The following ARHGAP6 variants were observed in gnomAD, a reference collection of about 807,000 sequenced individuals.
ARHGAP6 encodes rho GTPase-activating protein 6.
In ARHGAP6, 16 loss-of-function variants were observed where a neutral mutation model predicts 55.7. The ratio of observed to expected loss-of-function variants is 0.29; its 90% CI spans 0.19 to 0.44. The LOEUF (loss-of-function observed/expected upper bound fraction) is 0.44. Ranked by LOEUF, ARHGAP6 falls within the 20% of genes least tolerant of loss-of-function variation. ARHGAP6 has a pLI of 1.00. For missense variants in ARHGAP6, 698 were observed against 808.9 expected (o/e 0.86, Z 1.66); for synonymous variants, 382 against 360.9 (o/e 1.06, Z -0.66).
At chrX:11,347,197 G>C (rs2048800401) in intron 1 of ARHGAP6, among the ~76,000 whole-genome samples, 1 of 112,317 alleles carries the variant, frequency 8.9e-6, no homozygotes, top group African/African-American at 3.2e-5. Context: ...CTGTACGCTA[G>C]AGAAAAATAG....
chrX:11,228,200 G>A (rs1355203382), intron 2 of ARHGAP6, among the ~76,000 whole-genome samples: 1 of 111,822 alleles, frequency 8.9e-6, no homozygotes, highest in Non-Finnish European at 1.9e-5. Flanking sequence ...GGTATTCCAT[G>A]ATATAAGACT....
At chrX:11,436,920 T>C (rs1460336595) in intron 1 of ARHGAP6, among the ~76,000 whole-genome samples, 1 of 110,923 alleles carries the variant, frequency 9.0e-6, no homozygotes, top group Non-Finnish European at 1.9e-5. Flanking sequence ...GTACAGTGTT[T>C]CTTTACAGGG....
At chrX:11,405,454 T>G (rs1383440964) in intron 1 of ARHGAP6, among the ~76,000 whole-genome samples, 2 of 112,354 alleles carry the variant, frequency 1.8e-5, no homozygotes, top group Middle Eastern at 4.6e-3. Flanking sequence ...GGAGAATTTC[T>G]TTTTTCTTTC....
rs113357613 is a variant in ARHGAP6, at chrX:11,340,658, A to G, written c.589-85951T>C. On this transcript the variant is annotated intron_variant, in intron 1 of 12. Transcript: ENST00000337414. ...GCAGGAGAATGGCGTGAACCCGGGAAGCGGAGCTTGCAGTGAGCCGAGATC... is the reference window on the plus strand; with the variant it reads ...GCAGGAGAATGGCGTGAACCCGGGAGGCGGAGCTTGCAGTGAGCCGAGATC... Among the ~76,000 whole-genome samples, 489 of 102,342 alleles carry G rather than the reference A, an allele frequency of 4.8e-3. 5 individuals are homozygous for G. The highest frequency in any genetic ancestry group is 0.011 in the African/African-American group (290 of 25,703). The allele number at this position is 102,342 out of a possible 115,157, so 88.9% of individuals were successfully genotyped here. A position where few individuals can be genotyped will look rare whatever the true frequency, so the allele number is the denominator to read the frequency against.
chrX:11,273,300 T>G (rs1458892401), intron 1 of ARHGAP6, among the ~76,000 whole-genome samples: 1 of 110,723 alleles, frequency 9.0e-6, no homozygotes, highest in Non-Finnish European at 1.9e-5. Context: ...TAAAAATTAT[T>G]AAAAATTTTT....
At chrX:11,301,087 A>G (rs2048168628) in intron 1 of ARHGAP6, among the ~76,000 whole-genome samples, 1 of 112,071 alleles carries the variant, frequency 8.9e-6, no homozygotes, top group African/African-American at 3.2e-5. Context: ...CTTTTGAAGA[A>G]TGTTTATATT....
chrX:11,582,565 A>G (rs1231577370), intron 1 of ARHGAP6, among the ~76,000 whole-genome samples: 1 of 111,962 alleles, frequency 8.9e-6, no homozygotes, highest in Non-Finnish European at 1.9e-5. Flanking sequence ...GGACTAGTCA[A>G]ATTCTACAAG....
intron 1 of ARHGAP6, among the ~76,000 whole-genome samples, chrX:11,499,698 T>TAA (rs1328742921): frequency 1.8e-5 from 2 of 112,357 alleles, no homozygotes; most frequent in East Asian, 5.6e-4. Flanking sequence ...TTCCCAGTGT[T>TAA]AATGTTCTCA....
At chrX:11,405,015 C>T (rs778508661) in intron 1 of ARHGAP6, among the ~76,000 whole-genome samples, 1 of 112,323 alleles carries the variant, frequency 8.9e-6, no homozygotes, top group African/African-American at 3.2e-5. Context: ...CAGGCATCCA[C>T]ACTGACAATC....
chrX:11,473,104 G>A (rs944920180), intron 1 of ARHGAP6, among the ~76,000 whole-genome samples: 4 of 110,912 alleles, frequency 3.6e-5, no homozygotes, highest in South Asian at 7.8e-4. Flanking sequence ...GAAGTCTCTC[G>A]GGAGCTAAAG....
At chrX:11,497,407 C>T (rs2050633093) in intron 1 of ARHGAP6, among the ~76,000 whole-genome samples, 1 of 110,817 alleles carries the variant, frequency 9.0e-6, no homozygotes, top group African/African-American at 3.3e-5. Flanking sequence ...CCCTAACCCC[C>T]AATGTAATGG....
At chrX:11,377,481 G>A (rs1238306756) in intron 1 of ARHGAP6, among the ~76,000 whole-genome samples, 1 of 112,037 alleles carries the variant, frequency 8.9e-6, no homozygotes. Context: ...ATTTATTGTG[G>A]TAATGGATGC....
At chrX:11,504,024 C>T (rs184425357) in intron 1 of ARHGAP6, among the ~76,000 whole-genome samples, 1 of 110,455 alleles carries the variant, frequency 9.1e-6, no homozygotes, top group Admixed American at 9.8e-5. Flanking sequence ...AAAAAGTGGT[C>T]TTGGCTGATG....
intron 1 of ARHGAP6, among the ~76,000 whole-genome samples, chrX:11,348,234 T>G (rs1335626911): frequency 1.8e-5 from 2 of 112,468 alleles, no homozygotes; most frequent in Non-Finnish European, 3.8e-5. Flanking sequence ...GCTGGATATT[T>G]CAAAGTCCAC....
At chrX:11,639,055 AC>A (rs1014958701) in intron 1 of ARHGAP6, among the ~76,000 whole-genome samples, 6 of 111,236 alleles carry the variant, frequency 5.4e-5, no homozygotes, top group African/African-American at 2.0e-4. Context: ...AGGAATTTAA[AC>A]CCAGAGTCTA....
At chrX:11,568,374 A>C (rs1721009921) in intron 1 of ARHGAP6, among the ~76,000 whole-genome samples, 1 of 112,888 alleles carries the variant, frequency 8.9e-6, no homozygotes, top group South Asian at 3.6e-4. Flanking sequence ...TCCTTATTTC[A>C]ATAGAGATTC....
intron 1 of ARHGAP6, among the ~76,000 whole-genome samples, chrX:11,457,050 C>T (rs940636214): frequency 9.0e-6 from 1 of 111,537 alleles, no homozygotes; most frequent in South Asian, 3.8e-4. Context: ...CGAAGCATAG[C>T]ATTTGGTAGT....
At position 11,156,567 on chromosome X, in the gene ARHGAP6, G is replaced by A. The variant is rs369440221; in HGVS notation, c.1869C>T (p.Val623=). ...LISLLETDPD[V]VDYLLRRKAS... Reference sequence around the variant, plus strand: ...CCTTTCTTCTGAGTAAATAGTCCACGACATCAGGATCGGTCTCTAACAGGC... The same window carrying A: ...CCTTTCTTCTGAGTAAATAGTCCACAACATCAGGATCGGTCTCTAACAGGC... The change falls in exon 10 of 13, where the codon GTC becomes GTT. Residue 623 remains valine (V), a synonymous_variant. Coordinates refer to ENST00000337414, the MANE Select transcript of ARHGAP6 (RefSeq NM_013427.3). 2.3e-5 allele frequency: 28 copies of A among 1,209,844 alleles called. No individual in the cohort carries two copies. Among genetic ancestry groups the A allele is most frequent in the South Asian group, 3.5e-5 (2 of 56,715 alleles).
At chrX:11,253,609 G>A (rs776317340) in intron 2 of ARHGAP6, among the ~76,000 whole-genome samples, 2 of 112,100 alleles carry the variant, frequency 1.8e-5, no homozygotes, top group South Asian at 7.5e-4. Context: ...AAATTAAAAA[G>A]TGCCTTTATA....
Sources: allele counts gnomAD v4.1 joint callset (sites outside exome capture counted in the v4.1 genomes callset), GRCh38; gene constraint gnomAD v4.1.1; transcripts MANE v1.5; gene names NCBI Gene and HGNC (gene_info 2026-07-23, HGNC 2026-07-21).